The following IQCM variants were observed in gnomAD, a reference collection of about 807,000 sequenced individuals.
The protein encoded by IQCM is IQ domain-containing protein M.
A neutral mutation model predicts 57.6 loss-of-function variants in IQCM; 45 were observed. The ratio of observed to expected loss-of-function variants is 0.78; its 90% confidence interval spans 0.62 to 1.00. IQCM has a LOEUF of 1.00. Ranked by LOEUF, IQCM falls within the 50% of genes least tolerant of loss-of-function variation. The pLI, the probability that IQCM is intolerant of heterozygous loss-of-function variation, is 0.00. For missense variants in IQCM, 468 were observed against 511.6 expected (o/e 0.91, Z 0.82); for synonymous variants, 148 against 158.9 (o/e 0.93, Z 0.51).
At chr4:149,404,559 A>G (rs1012355290) in intron 13 of IQCM, among the ~76,000 whole-genome samples, 1 of 152,082 alleles carries the variant, frequency 6.6e-6, no homozygotes, top group Non-Finnish European at 1.5e-5. Context: ...GAGCTAGAAG[A>G]CAATATCAGA....
intron 12 of IQCM, among the ~76,000 whole-genome samples, chr4:149,488,897 T>G (rs987467956): frequency 6.6e-6 from 1 of 152,100 alleles, no homozygotes; most frequent in Non-Finnish European, 1.5e-5. Flanking sequence ...TTATATAGAA[T>G]AGTGAGAAGG....
chr4:149,422,613 G>T (rs552775598), intron 13 of IQCM, among the ~76,000 whole-genome samples: 6 of 152,174 alleles, frequency 3.9e-5, no homozygotes, highest in Admixed American at 1.3e-4. Context: ...GTGCGTGTGT[G>T]TGTGCGCACG....
chr4:149,796,719 A>G (rs1368570852), intron 2 of IQCM, among the ~76,000 whole-genome samples: 1 of 152,172 alleles, frequency 6.6e-6, no homozygotes, highest in Non-Finnish European at 1.5e-5. Context: ...GAATACAGAA[A>G]GAGACTCCAT....
intron 9 of IQCM, among the ~76,000 whole-genome samples, chr4:149,584,171 G>C (rs2149992638): frequency 6.6e-6 from 1 of 151,578 alleles, no homozygotes; most frequent in South Asian, 2.1e-4. Flanking sequence ...TGATTGAACT[G>C]AGATTTTCTG....
intron 13 of IQCM, among the ~76,000 whole-genome samples, chr4:149,415,626 C>T (rs1014532275): frequency 6.6e-6 from 1 of 151,988 alleles, no homozygotes; most frequent in Non-Finnish European, 1.5e-5. Flanking sequence ...GTTCACCCTA[C>T]ATCTAATCAT....
intron 7 of IQCM, among the ~76,000 whole-genome samples, chr4:149,642,722 C>T (rs941017665): frequency 1.3e-5 from 2 of 152,094 alleles, no homozygotes; most frequent in Admixed American, 6.6e-5. Flanking sequence ...ACTTTCGTTT[C>T]GCTATGAGTT....
At chr4:149,794,793 AAGAT>A (rs1446744892) in intron 2 of IQCM, among the ~76,000 whole-genome samples, 2 of 152,144 alleles carry the variant, frequency 1.3e-5, no homozygotes, top group African/African-American at 2.4e-5. Context: ...GTAAATTTAA[AAGAT>A]AGATATAGAT....
In IQCM at chr4:149,401,822, C is replaced by T. The variant is rs138156905; in HGVS notation, c.1390+31574G>A. 5.6e-3 allele frequency among the ~76,000 whole-genome samples: 856 copies of T among 151,880 alleles called. 4 individuals carry two copies. The highest frequency in any genetic ancestry group is 6.8e-3 in the Non-Finnish European group (462 of 67,764). On this transcript the variant is annotated intron_variant, in intron 13 of 13. Coordinates refer to ENST00000636793, the MANE Select transcript of IQCM (RefSeq NM_001363507.2). ...AAAATGACAACTTTCCCAACAAATA[C>T]TCCATGAAAACTTAGCACAATTTGA...
chr4:149,360,478 A>T (rs762717059), intron 13 of IQCM, among the ~76,000 whole-genome samples: 21 of 152,100 alleles, frequency 1.4e-4, no homozygotes, highest in Non-Finnish European at 2.5e-4. Context: ...CAAGGCACTT[A>T]TAATATGGTT....
rs576493511 is a variant in IQCM, at chr4:149,762,957, G to A, written c.-48-20218C>T. On this transcript the variant is annotated intron_variant, in intron 2 of 13. Coordinates refer to ENST00000636793, the MANE Select transcript of IQCM (RefSeq NM_001363507.2). ...TTACATGAGGTGCACACATCCTCAT[G>A]TAAATATGTATTGAGAATTGTATGT... 1.8e-4 allele frequency among the ~76,000 whole-genome samples: 28 copies of A among 152,096 alleles called. No homozygotes were observed. In the East Asian group the frequency reaches 4.8e-3, roughly 26 times the overall value.
At chr4:149,512,260 T>TGG (rs200085893) in intron 12 of IQCM, among the ~76,000 whole-genome samples, 1 of 151,862 alleles carries the variant, frequency 6.6e-6, no homozygotes, top group African/African-American at 2.4e-5. Flanking sequence ...TTATAGGGGT[T>TGG]GGGGGGGCAG....
chr4:149,510,212 C>G (rs563911395), intron 12 of IQCM, among the ~76,000 whole-genome samples: 17 of 152,212 alleles, frequency 1.1e-4, no homozygotes, highest in Admixed American at 3.3e-4. Context: ...TTGTTTTAAT[C>G]TGCATTTCTC....
At chr4:149,671,954 G>T (rs1761327819) in intron 7 of IQCM, among the ~76,000 whole-genome samples, 2 of 152,122 alleles carry the variant, frequency 1.3e-5, no homozygotes, top group African/African-American at 4.8e-5. Context: ...AGCAACATTT[G>T]CCCCTCTGCA....
At chr4:149,473,776 C>A (rs1469013076) in intron 12 of IQCM, among the ~76,000 whole-genome samples, 1 of 151,988 alleles carries the variant, frequency 6.6e-6, no homozygotes, top group Non-Finnish European at 1.5e-5. Flanking sequence ...ATATATACAC[C>A]ATGGAATACT....
At chr4:149,373,481 C>T (rs983145868) in intron 13 of IQCM, among the ~76,000 whole-genome samples, 2 of 151,956 alleles carry the variant, frequency 1.3e-5, no homozygotes, top group South Asian at 2.1e-4. Flanking sequence ...AATGAGAAAA[C>T]GAAGGTTCAC....
At chr4:149,542,685 C>T (rs183428819) in intron 12 of IQCM, among the ~76,000 whole-genome samples, 3 of 152,028 alleles carry the variant, frequency 2.0e-5, no homozygotes, top group East Asian at 1.9e-4. Flanking sequence ...AGTCATTATA[C>T]AATTTTGTTT....
chr4:149,410,383 G>A (rs1383627095), intron 13 of IQCM, among the ~76,000 whole-genome samples: 1 of 151,344 alleles, frequency 6.6e-6, no homozygotes, highest in African/African-American at 2.4e-5. Flanking sequence ...TTCCCTCTTG[G>A]ACGGAGATTG....
At chr4:149,501,686 C>T (rs1743258274) in intron 12 of IQCM, among the ~76,000 whole-genome samples, 1 of 152,104 alleles carries the variant, frequency 6.6e-6, no homozygotes, top group Non-Finnish European at 1.5e-5. Context: ...TGCTAAGAAA[C>T]ATTAGAAACA....
In IQCM at chr4:149,668,920, T is replaced by C. The variant is rs557212886; in HGVS notation, c.565+13198A>G. 2.8e-4 allele frequency among the ~76,000 whole-genome samples: 43 copies of C among 152,184 alleles called. 1 individual carries two copies. The South Asian group carries it at 4.2e-3, about 15-fold the overall frequency. ...AGAAAGGGGTGAAAAGTGAGAGAGA[T>C]AGAGAGCAAGTACCTAAATAATCAA... On this transcript the variant is annotated intron_variant, in intron 7 of 13. Transcript: ENST00000636793.
Sources: allele counts gnomAD v4.1 joint callset (sites outside exome capture counted in the v4.1 genomes callset), GRCh38; gene constraint gnomAD v4.1.1; transcripts MANE v1.5; gene names NCBI Gene and HGNC (gene_info 2026-07-23, HGNC 2026-07-21).